NMBR: variants seen among roughly 807,000 people sequenced by gnomAD.
NMBR encodes neuromedin-B receptor.
NMBR carries 16 observed loss-of-function variants against 20.5 expected under a neutral mutation model. That is an observed-to-expected ratio of 0.78 (90% CI 0.53 to 1.19). NMBR has a LOEUF of 1.19. Ranked by LOEUF, NMBR falls within the 50% of genes most tolerant of loss-of-function variation. NMBR has a pLI of 0.00. For synonymous variants in NMBR, 212 were observed against 196.6 expected, an observed-to-expected ratio of 1.08 and a Z score of -0.65; for missense variants, 582 against 499.1, an observed-to-expected ratio of 1.17 and a Z score of -1.58.
At position 142,139,517 on chromosome 6, in the gene NMBR, C is replaced by T. The variant is rs528492361; in HGVS notation, c.-664+7527G>A. On this transcript the variant is annotated intron_variant, in intron 1 of 3. Coordinates refer to ENST00000258042, the MANE Select transcript of NMBR (RefSeq NM_002511.4). ...AGATCTCTGGAGCTCTCTCGCTTTT[C>T]CAGCTACCTTACTGTAGCATCCATT... 1.3e-3 allele frequency among the ~76,000 whole-genome samples: 200 copies of T among 152,284 alleles called. 1 individual carries two copies. Among genetic ancestry groups the T allele is most frequent in the Middle Eastern group, 6.8e-3 (2 of 294 alleles).
At position 142,088,780 on chromosome 6, in the gene NMBR, C is replaced by T. The variant is rs1000810532; in HGVS notation, c.-122G>A. 19 of 865,214 alleles carry T rather than the reference C, an allele frequency of 2.2e-5. No individual in the cohort carries two copies. The East Asian group carries it at 5.1e-4, about 23-fold the overall frequency. 53.6% of individuals were successfully genotyped at this position (865,214 alleles called of 1,614,324 possible). Reference sequence around the variant, plus strand: ...CTCGCCCCTGCAAGTTTACTGTCCGCGGGGCAAGCCTCACAGCACCACGTC... The same window carrying T: ...CTCGCCCCTGCAAGTTTACTGTCCGTGGGGCAAGCCTCACAGCACCACGTC... On this transcript the variant is annotated 5_prime_UTR_variant, in exon 2 of 4. Transcript: ENST00000258042.
intron 1 of NMBR, among the ~76,000 whole-genome samples, chr6:142,129,801 T>C (rs1682376186): frequency 6.6e-6 from 1 of 152,144 alleles, no homozygotes; most frequent in Non-Finnish European, 1.5e-5. Flanking sequence ...AGGATAAATG[T>C]TCTCCGAATC....
chr6:142,114,996 C>T (rs1777825601), intron 1 of NMBR, among the ~76,000 whole-genome samples: 1 of 152,222 alleles, frequency 6.6e-6, no homozygotes, highest in South Asian at 2.1e-4. Context: ...ATCAATAAGT[C>T]ATACATATTG....
At chr6:142,079,150 G>A (rs112913865) in intron 2 of NMBR, among the ~76,000 whole-genome samples, 2,840 of 76,480 alleles carry the variant, frequency 0.037, 58 homozygotes, top group East Asian at 0.062. Context: ...AGAAAAAGAA[G>A]AGAGGAGAGG....
intron 1 of NMBR, among the ~76,000 whole-genome samples, chr6:142,139,415 C>A (rs759925550): frequency 6.6e-6 from 1 of 152,100 alleles, no homozygotes; most frequent in African/African-American, 2.4e-5. Flanking sequence ...CCTTTTGATC[C>A]TTTCAATTAG....
chr6:142,075,968 G>T lies in NMBR; in HGVS notation c.853C>A (p.Leu285Ile), dbSNP rs942814132. The T allele has an allele frequency of 1.9e-6, 3 of 1,613,558 alleles. No homozygotes were observed. The highest frequency in any genetic ancestry group is 1.7e-5 in the Admixed American group (1 of 59,934). Residue 285 changes from leucine (L) to isoleucine (I), a missense_variant, in exon 4 of 4, where the codon CTT (leucine) becomes ATT (isoleucine). Transcript: ENST00000258042. ...FIFCWFPNHILYMYRSFNYNE... is the reference protein window; with the variant it reads ...FIFCWFPNHIIYMYRSFNYNE... ...TAGTTGAAAGACCGATACATGTAAA[G>T]GATGTGGTTTGGAAACCAACAGAAG...
Position 142,098,326 on chromosome 6 carries a change from C to T in NMBR, c.-663-9005G>A, listed in dbSNP as rs535333245. 1.8e-3 allele frequency among the ~76,000 whole-genome samples: 273 copies of T among 152,100 alleles called. 1 individual carries two copies. The highest frequency in any genetic ancestry group is 6.8e-3 in the Middle Eastern group (2 of 294). ...TTTTCAATTTTGTACTGGAAGTTCT[C>T]ATCAATGCAATAAGACAAGAAAAAG... On this transcript the variant is annotated intron_variant, in intron 1 of 3. Coordinates refer to ENST00000258042, the MANE Select transcript of NMBR (RefSeq NM_002511.4).
At chr6:142,111,549 G>A (rs906790170) in intron 1 of NMBR, among the ~76,000 whole-genome samples, 4 of 152,106 alleles carry the variant, frequency 2.6e-5, no homozygotes, top group African/African-American at 9.7e-5. Flanking sequence ...AACCTTAGTC[G>A]TATTTGAGGG....
intron 1 of NMBR, among the ~76,000 whole-genome samples, chr6:142,143,543 C>A (rs1412598889): frequency 6.6e-6 from 1 of 152,190 alleles, no homozygotes; most frequent in Non-Finnish European, 1.5e-5. Context: ...CTCGGCTTCC[C>A]AAAGTGCTGG....
chr6:142,122,315 A>G (rs1777957865), intron 1 of NMBR, among the ~76,000 whole-genome samples: 1 of 152,006 alleles, frequency 6.6e-6, no homozygotes, highest in African/African-American at 2.4e-5. Context: ...GAAAAGTTTG[A>G]GGCTAGCAGA....
intron 2 of NMBR, among the ~76,000 whole-genome samples, chr6:142,081,161 T>C (rs1777086375): frequency 6.6e-6 from 1 of 152,034 alleles, no homozygotes; most frequent in Admixed American, 6.5e-5. Flanking sequence ...CTCTTTGGAG[T>C]CTTTTATAAG....
chr6:142,085,705 T>C (rs1256582004), intron 2 of NMBR, among the ~76,000 whole-genome samples: 1 of 152,122 alleles, frequency 6.6e-6, no homozygotes, highest in Middle Eastern at 3.2e-3. Flanking sequence ...CCACTTCACA[T>C]TGGAATATGC....
At position 142,088,387 on chromosome 6, in the gene NMBR, A is replaced by G. The variant is rs778050436; in HGVS notation, c.272T>C (p.Leu91Pro). 5.0e-6 allele frequency: 8 copies of G among 1,614,168 alleles called. No individual in the cohort carries two copies. In the South Asian group the frequency reaches 8.8e-5, roughly 18 times the overall value. ...CACCGGGACGCAGGTGAGCAGCAGC[A>G]GCAAGTCCCCGGCCGCCAGGTTAGA... ...FISNLAAGDL[L>P]LLLTCVPVDA... The change falls in exon 2 of 4, where the codon CTG (leucine) becomes CCG (proline). Residue 91 changes from leucine (L) to proline (P), a missense_variant. Transcript: ENST00000258042.
intron 1 of NMBR, among the ~76,000 whole-genome samples, chr6:142,099,886 C>A (rs1414671509): frequency 1.3e-5 from 2 of 151,826 alleles, no homozygotes; most frequent in African/African-American, 2.4e-5. Context: ...ATAAAAAATC[C>A]AATGAAAAAG....
chr6:142,092,724 CCA>C (rs1777353659), intron 1 of NMBR, among the ~76,000 whole-genome samples: 1 of 152,098 alleles, frequency 6.6e-6, no homozygotes, highest in Non-Finnish European at 1.5e-5. Context: ...GATAAGGAAT[CCA>C]CAGTGAGCCT....
Position 142,115,532 on chromosome 6 carries a change from A to T in NMBR, c.-663-26211T>A, listed in dbSNP as rs190986253. Among the ~76,000 whole-genome samples the T allele has an allele frequency of 1.2e-3, 181 of 152,200 alleles. 1 individual carries two copies. The highest frequency in any genetic ancestry group is 0.01 in the Middle Eastern group (3 of 294). On this transcript the variant is annotated intron_variant, in intron 1 of 3. Coordinates refer to ENST00000258042, the MANE Select transcript of NMBR (RefSeq NM_002511.4). ...GGAAGGAAACAACAGAGTCAAAAATAGGATTATTACTCTGGTGCTGGGTGT... is the reference window on the plus strand; with the variant it reads ...GGAAGGAAACAACAGAGTCAAAAATTGGATTATTACTCTGGTGCTGGGTGT...
intron 2 of NMBR, among the ~76,000 whole-genome samples, chr6:142,079,334 T>C (rs1387029678): frequency 6.6e-6 from 1 of 152,058 alleles, no homozygotes; most frequent in African/African-American, 2.4e-5. Context: ...AGACCTAAGG[T>C]TCCTGGTGTC....
In NMBR at chr6:142,113,874, C is replaced by T. The variant is rs1047534164; in HGVS notation, c.-663-24553G>A. 3.3e-5 allele frequency among the ~76,000 whole-genome samples: 5 copies of T among 152,240 alleles called. No individual in the cohort carries two copies. The East Asian group carries it at 9.6e-4, about 29-fold the overall frequency. The stretch of plus-strand genomic sequence containing the variant: ...GCCTGAAATGTTACCTTTTCATAGA[C>T]TAGGCTTTGACATTTTGTAAATATA... On this transcript the variant is annotated intron_variant, in intron 1 of 3. Coordinates refer to ENST00000258042, the MANE Select transcript of NMBR (RefSeq NM_002511.4).
intron 1 of NMBR, among the ~76,000 whole-genome samples, chr6:142,114,701 A>T (rs181401615): frequency 6.6e-6 from 1 of 152,262 alleles, no homozygotes; most frequent in East Asian, 1.9e-4. Context: ...ATATACAGAA[A>T]CTTTAAGGAG....
Sources: allele counts gnomAD v4.1 joint callset (sites outside exome capture counted in the v4.1 genomes callset), GRCh38; gene constraint gnomAD v4.1.1; transcripts MANE v1.5; gene names NCBI Gene and HGNC (gene_info 2026-07-23, HGNC 2026-07-21).